Variants in FTO observed in about 807,000 individuals in gnomAD.
FTO encodes FTO alpha-ketoglutarate dependent dioxygenase, also known as alpha-ketoglutarate-dependent dioxygenase FTO.
FTO carries 47 observed loss-of-function variants against 63.9 expected under a neutral mutation model. The ratio of observed to expected loss-of-function variants is 0.74; its 90% confidence interval spans 0.58 to 0.94. The LOEUF (loss-of-function observed/expected upper bound fraction) is 0.94, where lower values mean the gene tolerates loss of function less well. Ranked by LOEUF, FTO falls within the 40% of genes least tolerant of loss-of-function variation. The probability of loss-of-function intolerance (pLI) is 0.00; values close to 1 mark genes in which losing one functional copy is unlikely to be tolerated. For synonymous variants in FTO, 207 were observed against 224.4 expected (o/e 0.92, Z 0.69); for missense variants, 562 against 618.1 (o/e 0.91, Z 0.96).
At chr16:53,787,330 T>C (rs974231891) in intron 1 of FTO, among the ~76,000 whole-genome samples, 2 of 151,346 alleles carry the variant, frequency 1.3e-5, no homozygotes, top group African/African-American at 4.9e-5. Context: ...TAATAGGTTC[T>C]TCTTAATGGA....
At chr16:53,725,751 G>T (rs894718158) in intron 1 of FTO, among the ~76,000 whole-genome samples, 1 of 152,158 alleles carries the variant, frequency 6.6e-6, no homozygotes, top group African/African-American at 2.4e-5. Flanking sequence ...GGGTGGTAGT[G>T]ATCAGGAATT....
chr16:53,828,195 G>A lies in FTO; in HGVS notation c.751+1704G>A, dbSNP rs187288783. ...TGTAGAATTTGAATCTGTAAGAGCG[G>A]TGTGCAAACTCCTTTGTTCTCTTTT... On this transcript the variant is annotated intron_variant, in intron 3 of 8. Transcript: ENST00000471389. Among the ~76,000 whole-genome samples, 8 of 152,212 alleles carry A rather than the reference G, an allele frequency of 5.3e-5. No individual in the cohort carries two copies. In the East Asian group the frequency reaches 1.4e-3, roughly 26 times the overall value.
chr16:54,033,792 G>C (rs1359878446), intron 8 of FTO, among the ~76,000 whole-genome samples: 1 of 152,060 alleles, frequency 6.6e-6, no homozygotes, highest in Admixed American at 6.6e-5. Context: ...CTCCAGGCTG[G>C]GCCACCGAGC....
chr16:53,957,674 T>G (rs1043216545), intron 8 of FTO, among the ~76,000 whole-genome samples: 1 of 152,266 alleles, frequency 6.6e-6, no homozygotes, highest in African/African-American at 2.4e-5. Flanking sequence ...AAAAGATAGC[T>G]TATTCAAATC....
intron 1 of FTO, among the ~76,000 whole-genome samples, chr16:53,720,372 T>A (rs1598485688): frequency 6.6e-6 from 1 of 151,964 alleles, no homozygotes; most frequent in African/African-American, 2.4e-5. Flanking sequence ...ATAAATATGA[T>A]TTAAAATAGG....
At chr16:54,057,143 T>C (rs1174123780) in intron 8 of FTO, among the ~76,000 whole-genome samples, 9 of 152,196 alleles carry the variant, frequency 5.9e-5, no homozygotes, top group Admixed American at 1.3e-4. Flanking sequence ...ATTGACAAAG[T>C]GGTCTCTAAT....
chr16:53,972,894 G>T (rs1226665513), intron 8 of FTO, among the ~76,000 whole-genome samples: 10 of 152,170 alleles, frequency 6.6e-5, no homozygotes, highest in Admixed American at 6.5e-4. Flanking sequence ...ATATGGAGCT[G>T]CTTGCTTTTG....
At chr16:53,902,112 A>G (rs2081419546) in intron 7 of FTO, among the ~76,000 whole-genome samples, 1 of 152,220 alleles carries the variant, frequency 6.6e-6, no homozygotes, top group Non-Finnish European at 1.5e-5. Flanking sequence ...TCATAATGCC[A>G]GAGAAACAGG....
chr16:53,748,409 T>C (rs1262610806), intron 1 of FTO, among the ~76,000 whole-genome samples: 3 of 152,302 alleles, frequency 2.0e-5, no homozygotes, highest in Admixed American at 2.0e-4. Flanking sequence ...CTAAGTATTA[T>C]TTTTTCACAA....
intron 8 of FTO, among the ~76,000 whole-genome samples, chr16:54,085,490 C>T (rs2086238239): frequency 6.6e-6 from 1 of 152,284 alleles, no homozygotes; most frequent in East Asian, 1.9e-4. Flanking sequence ...CACATGCCCT[C>T]CATGGCCAAA....
chr16:53,789,247 T>G (rs911598022), intron 1 of FTO, among the ~76,000 whole-genome samples: 1 of 152,176 alleles, frequency 6.6e-6, no homozygotes, highest in Non-Finnish European at 1.5e-5. Context: ...TGCAAAATAT[T>G]CAGAGGATAT....
intron 1 of FTO, among the ~76,000 whole-genome samples, chr16:53,762,907 A>G (rs1598599717): frequency 1.3e-5 from 2 of 152,216 alleles, no homozygotes; most frequent in Admixed American, 6.5e-5. Context: ...CTCATGATTT[A>G]CCATGCCTCA....
At chr16:53,809,193 A>T (rs1335181144) in intron 1 of FTO, among the ~76,000 whole-genome samples, 1 of 152,246 alleles carries the variant, frequency 6.6e-6, no homozygotes, top group African/African-American at 2.4e-5. Context: ...ACAGCCTCAG[A>T]CAATGCTGGC....
intron 3 of FTO, among the ~76,000 whole-genome samples, chr16:53,833,077 C>T (rs2079186581): frequency 6.6e-6 from 1 of 152,202 alleles, no homozygotes; most frequent in Admixed American, 6.5e-5. Flanking sequence ...TGAGGCCGGT[C>T]TTTCCCGTGC....
chr16:53,905,130 C>A (rs138733609), intron 7 of FTO, among the ~76,000 whole-genome samples: 171 of 152,154 alleles, frequency 1.1e-3, no homozygotes, highest in Middle Eastern at 3.4e-3. Flanking sequence ...TAGACCACAT[C>A]TCTTGCTGTG....
At chr16:53,882,586 T>C (rs1002606026) in intron 6 of FTO, among the ~76,000 whole-genome samples, 10 of 152,028 alleles carry the variant, frequency 6.6e-5, no homozygotes, top group Non-Finnish European at 8.8e-5. Context: ...AGGAACAGTA[T>C]GTTTGAGTGA....
At chr16:54,080,217 T>C (rs1268688925) in intron 8 of FTO, among the ~76,000 whole-genome samples, 2 of 152,128 alleles carry the variant, frequency 1.3e-5, no homozygotes, top group Non-Finnish European at 2.9e-5. Flanking sequence ...CAAGACCCTG[T>C]CTCTAAAAAA....
chr16:54,060,522 C>G lies in FTO; in HGVS notation c.1365-51240C>G, dbSNP rs183694005. Among the ~76,000 whole-genome samples, 450 of 152,296 alleles carry G rather than the reference C, an allele frequency of 3.0e-3. 7 individuals are homozygous for G. Among genetic ancestry groups the G allele is most frequent in the African/African-American group, 9.7e-3 (405 of 41,578 alleles). ...ACTAAGGTTTAGAAAGGTGAAGGGT[C>G]TAACAACTAGGAAGTAGTGCTGGGA... On this transcript the variant is annotated intron_variant, in intron 8 of 8. Transcript: ENST00000471389.
intron 2 of FTO, among the ~76,000 whole-genome samples, chr16:53,820,486 T>G (rs1175577407): frequency 6.6e-6 from 1 of 152,080 alleles, no homozygotes; most frequent in Non-Finnish European, 1.5e-5. Flanking sequence ...TTTCCTTTTT[T>G]TTTTTATTAT....
Sources: gnomAD v4.1 joint callset for allele counts (sites outside exome capture counted in the v4.1 genomes callset) on GRCh38, gnomAD v4.1.1 for gene constraint, MANE v1.5 for transcripts, NCBI Gene and HGNC (gene_info 2026-07-23, HGNC 2026-07-21) for gene names.